Variants in EYA3 observed in about 807,000 individuals in gnomAD.
EYA3 encodes the protein protein phosphatase EYA3.
A neutral mutation model predicts 80.0 loss-of-function variants in EYA3; 39 were observed. The observed-to-expected ratio is 0.49, with a 90% CI of 0.38 to 0.64. The LOEUF is 0.64. EYA3 is among the 30% of genes least tolerant of loss of function. The pLI is 0.00. For synonymous variants in EYA3, 206 were observed against 232.8 expected, an observed-to-expected ratio of 0.88 and a Z score of 1.05; for missense variants, 523 against 676.1, an observed-to-expected ratio of 0.77 and a Z score of 2.51.
At chr1:28,034,700 G>A (rs890903342) in intron 6 of EYA3, among the ~76,000 whole-genome samples, 1 of 152,180 alleles carries the variant, frequency 6.6e-6, no homozygotes, top group African/African-American at 2.4e-5. Context: ...GCAGAAACTA[G>A]ATGCAGGTAC....
At chr1:27,976,135 G>T (rs142268530) in intron 17 of EYA3, among the ~76,000 whole-genome samples, 2 of 152,310 alleles carry the variant, frequency 1.3e-5, no homozygotes, top group African/African-American at 4.8e-5. Flanking sequence ...TTAACATACA[G>T]AAGAGGAAAC....
chr1:28,042,780 T>C (rs1253734657), intron 3 of EYA3, 130 bp from the exon 4 acceptor site: 27 of 693,924 alleles, frequency 3.9e-5, no homozygotes, highest in Non-Finnish European at 6.2e-5. Context: ...GATATCCTTA[T>C]TGTTGATTTT....
chr1:28,072,159 G>GA (rs963134782), intron 1 of EYA3, among the ~76,000 whole-genome samples: 2 of 152,054 alleles, frequency 1.3e-5, no homozygotes, highest in East Asian at 1.9e-4. Context: ...GATAGGAACT[G>GA]AAAAAATAGT....
At chr1:28,051,804 AAAG>A (rs1181401756) in intron 2 of EYA3, among the ~76,000 whole-genome samples, 1 of 152,164 alleles carries the variant, frequency 6.6e-6, no homozygotes, top group Non-Finnish European at 1.5e-5. Flanking sequence ...ATATCCAGGG[AAAG>A]AAGAATTCAT....
chr1:28,004,312 T>C, intron 11 of EYA3, 24 bp downstream of exon 11: 1 of 1,541,246 alleles, frequency 6.5e-7, no homozygotes, highest in Non-Finnish European at 9.0e-7. Context: ...GAGGGACAGT[T>C]ACAACAAAGA....
At chr1:28,063,213 T>C (rs1013524941) in intron 1 of EYA3, among the ~76,000 whole-genome samples, 1 of 151,634 alleles carries the variant, frequency 6.6e-6, no homozygotes, top group African/African-American at 2.4e-5. Context: ...CAGTCCCACA[T>C]AGAAAAAAGG....
At chr1:27,977,617 G>A (rs1300273078) in intron 17 of EYA3, among the ~76,000 whole-genome samples, 2 of 151,754 alleles carry the variant, frequency 1.3e-5, no homozygotes, top group Non-Finnish European at 2.9e-5. Flanking sequence ...TTGGGAGGCC[G>A]AGGCAGGCGG....
intron 1 of EYA3, among the ~76,000 whole-genome samples, chr1:28,069,088 G>A (rs1644932160): frequency 6.6e-6 from 1 of 151,960 alleles, no homozygotes; most frequent in African/African-American, 2.4e-5. Flanking sequence ...ACAGGCTTAA[G>A]CCACAGTGCC....
intron 1 of EYA3, among the ~76,000 whole-genome samples, chr1:28,059,716 T>A (rs1040815302): frequency 1.7e-5 from 1 of 57,860 alleles, no homozygotes; most frequent in East Asian, 8.2e-4. Flanking sequence ...ATTTGTTGGA[T>A]TTTTTTTTTT....
At chr1:28,066,034 C>T (rs1327142097) in intron 1 of EYA3, among the ~76,000 whole-genome samples, 1 of 151,698 alleles carries the variant, frequency 6.6e-6, no homozygotes, top group African/African-American at 2.4e-5. Flanking sequence ...AAGAGTTACT[C>T]GAACACACAA....
chr1:28,054,388 G>T (rs984161822), intron 2 of EYA3, among the ~76,000 whole-genome samples: 2 of 152,286 alleles, frequency 1.3e-5, no homozygotes, highest in East Asian at 3.9e-4. Context: ...ATCAAGAAGA[G>T]TAATCTACAA....
chr1:27,998,106 G>A (rs1282997604), intron 12 of EYA3, among the ~76,000 whole-genome samples: 3 of 152,142 alleles, frequency 2.0e-5, no homozygotes, highest in Non-Finnish European at 2.9e-5. Context: ...GTACTCCTCT[G>A]ATACCACTTA....
At chr1:28,027,086 G>T (rs1333938586) in intron 7 of EYA3, among the ~76,000 whole-genome samples, 1 of 152,094 alleles carries the variant, frequency 6.6e-6, no homozygotes, top group Non-Finnish European at 1.5e-5. Context: ...GGAGAAAAGA[G>T]GCAGATGAGA....
chr1:28,010,661 G>A (rs1226411737), intron 10 of EYA3: 7 of 279,270 alleles, frequency 2.5e-5, no homozygotes, highest in Admixed American at 5.0e-5. Flanking sequence ...GTAAGCCACC[G>A]CACCTGACCC....
chr1:28,006,438 G>A (rs987191894), intron 10 of EYA3, among the ~76,000 whole-genome samples: 1 of 152,200 alleles, frequency 6.6e-6, no homozygotes, highest in African/African-American at 2.4e-5. Flanking sequence ...CGGGCGCGGT[G>A]GCTCACGCCT....
intron 13 of EYA3, 113 bp downstream of exon 13, chr1:27,997,207 T>G: frequency 1.0e-6 from 1 of 953,796 alleles, no homozygotes; most frequent in Non-Finnish European, 1.7e-6. Flanking sequence ...TCTAACAGGT[T>G]GTGAGCTCTT....
chr1:28,039,614 T>C (rs749851095), intron 4 of EYA3, among the ~76,000 whole-genome samples: 1 of 152,176 alleles, frequency 6.6e-6, no homozygotes, highest in Admixed American at 6.5e-5. Flanking sequence ...ACTTCTGGTA[T>C]GAACGCTGTA....
At position 27,987,042 on chromosome 1, in the gene EYA3, A is replaced by G. The variant is rs184947452; in HGVS notation, c.1540+1493T>C. On this transcript the variant is annotated intron_variant, in intron 16 of 17. Transcript: ENST00000373871. ...AGTGTAAAGTTCTGTCATGTTAACT[A>G]TTATTTAACAGATGTCTGGAACCTT... Among the ~76,000 whole-genome samples, 76 of 152,248 alleles carry G rather than the reference A, an allele frequency of 5.0e-4. 1 individual carries two copies. The highest frequency in any genetic ancestry group is 7.2e-4 in the Non-Finnish European group (49 of 68,026).
At chr1:28,077,675 A>C (rs1191373856) in intron 1 of EYA3, among the ~76,000 whole-genome samples, 1 of 152,214 alleles carries the variant, frequency 6.6e-6, no homozygotes, top group Non-Finnish European at 1.5e-5. Flanking sequence ...TAAGAATATG[A>C]TAAAAGAAAT....
Sources: gnomAD v4.1 joint callset for allele counts (sites outside exome capture counted in the v4.1 genomes callset) on GRCh38, gnomAD v4.1.1 for gene constraint, MANE v1.5 for transcripts, NCBI Gene and HGNC (gene_info 2026-07-23, HGNC 2026-07-21) for gene names.